CADPS2: variants seen among roughly 807,000 people sequenced by gnomAD.
The protein encoded by CADPS2 is calcium dependent secretion activator 2, also known as calcium-dependent secretion activator 2.
Under a neutral mutation model 172.5 loss-of-function variants are expected in CADPS2, and 93 were observed. The ratio of observed to expected loss-of-function variants is 0.54; its 90% CI spans 0.46 to 0.64. The LOEUF is 0.64. Ranked by LOEUF, CADPS2 falls within the 30% of genes least tolerant of loss-of-function variation. The probability of loss-of-function intolerance (pLI) is 0.00; values close to 1 mark genes in which losing one functional copy is unlikely to be tolerated. For synonymous variants in CADPS2, 546 were observed against 555.2 expected (o/e 0.98, Z 0.23); for missense variants, 1,420 against 1,565.9 (o/e 0.91, Z 1.57).
intron 25 of CADPS2, among the ~76,000 whole-genome samples, chr7:122,378,358 C>T (rs2151335541): frequency 6.6e-6 from 1 of 152,234 alleles, no homozygotes; most frequent in South Asian, 2.1e-4. Context: ...TTATACTCCC[C>T]TATGTAGGAA....
chr7:122,424,237 G>T, intron 17 of CADPS2: 1 of 647,400 alleles, frequency 1.5e-6, no homozygotes, highest in Non-Finnish European at 1.9e-6. Context: ...AGTAAGAGTT[G>T]CAGTTAATAT....
At chr7:122,794,222 C>G (rs1488353974) in intron 1 of CADPS2, among the ~76,000 whole-genome samples, 2 of 151,810 alleles carry the variant, frequency 1.3e-5, no homozygotes, top group African/African-American at 4.8e-5. Flanking sequence ...TTCTCCCTAT[C>G]TCTTTTGGGG....
chr7:122,608,372 C>T (rs1020992995), intron 6 of CADPS2, among the ~76,000 whole-genome samples: 5 of 152,036 alleles, frequency 3.3e-5, no homozygotes, highest in Non-Finnish European at 5.9e-5. Flanking sequence ...TTAAAAAGCA[C>T]GGTTAGATTA....
At chr7:122,332,484 T>C (rs2035136125) in intron 28 of CADPS2, among the ~76,000 whole-genome samples, 1 of 152,042 alleles carries the variant, frequency 6.6e-6, no homozygotes, top group Non-Finnish European at 1.5e-5. Flanking sequence ...AGGGCAATTT[T>C]CATTTTTTAA....
At chr7:122,362,799 C>T (rs1482018277) in intron 25 of CADPS2, among the ~76,000 whole-genome samples, 2 of 152,098 alleles carry the variant, frequency 1.3e-5, no homozygotes, top group Non-Finnish European at 2.9e-5. Flanking sequence ...CCAGAGAACT[C>T]GCTGTGAGTG....
At chr7:122,878,099 T>C (rs527953708) in intron 1 of CADPS2, among the ~76,000 whole-genome samples, 22 of 150,688 alleles carry the variant, frequency 1.5e-4, no homozygotes, top group Non-Finnish European at 2.4e-4. Flanking sequence ...TTACTAAAAA[T>C]ACAAAAATTA....
chr7:122,782,642 G>A (rs1394912279), intron 1 of CADPS2, among the ~76,000 whole-genome samples: 1 of 152,096 alleles, frequency 6.6e-6, no homozygotes, highest in Non-Finnish European at 1.5e-5. Flanking sequence ...AAAAAATTGA[G>A]TTTTAATTTC....
chr7:122,446,098 C>T (rs777460160), intron 15 of CADPS2, among the ~76,000 whole-genome samples: 8 of 152,026 alleles, frequency 5.3e-5, no homozygotes, highest in Non-Finnish European at 8.8e-5. Context: ...GTATGTTAGC[C>T]GTAGGTCTAC....
chr7:122,655,927 C>T (rs2079713288), intron 3 of CADPS2, among the ~76,000 whole-genome samples: 1 of 152,014 alleles, frequency 6.6e-6, no homozygotes, highest in South Asian at 2.1e-4. Context: ...GTCATCACTC[C>T]CATCCTCAGA....
intron 1 of CADPS2, among the ~76,000 whole-genome samples, chr7:122,745,886 T>C (rs1159008499): frequency 6.6e-6 from 1 of 152,044 alleles, no homozygotes; most frequent in Non-Finnish European, 1.5e-5. Context: ...TAACCTATTT[T>C]ATTAATTAGT....
At chr7:122,690,906 C>G (rs908922392) in intron 2 of CADPS2, among the ~76,000 whole-genome samples, 1 of 152,124 alleles carries the variant, frequency 6.6e-6, no homozygotes, top group Non-Finnish European at 1.5e-5. Flanking sequence ...ACAAGTATCT[C>G]GACTAGACCT....
At chr7:122,454,688 T>C (rs1194044302) in intron 14 of CADPS2, among the ~76,000 whole-genome samples, 2 of 152,214 alleles carry the variant, frequency 1.3e-5, no homozygotes, top group South Asian at 2.1e-4. Flanking sequence ...AGTATGTTTT[T>C]ACAAAAGCCT....
chr7:122,716,942 A>G (rs2089696413), intron 2 of CADPS2, among the ~76,000 whole-genome samples: 1 of 152,156 alleles, frequency 6.6e-6, no homozygotes, highest in East Asian at 1.9e-4. Context: ...GACTTTTTCT[A>G]CTAGAACACA....
intron 1 of CADPS2, among the ~76,000 whole-genome samples, chr7:122,774,371 G>A (rs2093809593): frequency 6.6e-6 from 1 of 150,924 alleles, no homozygotes. Context: ...TCTTTAAAAT[G>A]TAAAGAGCTG....
chr7:122,371,087 T>A (rs1585353141), intron 25 of CADPS2, among the ~76,000 whole-genome samples: 1 of 152,252 alleles, frequency 6.6e-6, no homozygotes, highest in Non-Finnish European at 1.5e-5. Flanking sequence ...AGTAACCTCA[T>A]CTCATGGGAC....
At chr7:122,458,116 T>C (rs1277561524) in intron 14 of CADPS2, among the ~76,000 whole-genome samples, 1 of 152,190 alleles carries the variant, frequency 6.6e-6, no homozygotes, top group Non-Finnish European at 1.5e-5. Flanking sequence ...GAATGAGGAA[T>C]GCATGACATC....
At chr7:122,488,711 G>A (rs2058050059) in intron 11 of CADPS2, among the ~76,000 whole-genome samples, 1 of 152,174 alleles carries the variant, frequency 6.6e-6, no homozygotes, top group African/African-American at 2.4e-5. Flanking sequence ...AATTTACTAT[G>A]GATCACATGG....
intron 7 of CADPS2, among the ~76,000 whole-genome samples, chr7:122,575,955 C>A (rs552304720): frequency 1.3e-5 from 2 of 152,114 alleles, no homozygotes; most frequent in African/African-American, 4.8e-5. Context: ...TTTGTTATAA[C>A]CAAGAAACTT....
intron 2 of CADPS2, chr7:122,698,581 G>GT (rs1249303754): frequency 1.1e-5 from 18 of 1,613,878 alleles, no homozygotes; most frequent in Non-Finnish European, 1.4e-5. Flanking sequence ...AATTTTCTGT[G>GT]TGAAGGTACA....
Sources: allele counts gnomAD v4.1 joint callset (sites outside exome capture counted in the v4.1 genomes callset), GRCh38; gene constraint gnomAD v4.1.1; transcripts MANE v1.5; gene names NCBI Gene and HGNC (gene_info 2026-07-23, HGNC 2026-07-21).